PCDHGB5: variants seen among roughly 807,000 people sequenced by gnomAD.
PCDHGB5 encodes protocadherin gamma subfamily B, 5, also known as protocadherin gamma-B5.
In PCDHGB5, 48 loss-of-function variants were observed where a neutral mutation model predicts 62.9. The ratio of observed to expected loss-of-function variants is 0.76; its 90% CI spans 0.61 to 0.97. The LOEUF (loss-of-function observed/expected upper bound fraction) is 0.97. Ranked by LOEUF, PCDHGB5 falls within the 50% of genes least tolerant of loss-of-function variation. The pLI is 0.00. For synonymous variants in PCDHGB5, 474 were observed against 511.2 expected, an observed-to-expected ratio of 0.93 and a Z score of 0.98; for missense variants, 1,118 against 1,198.6, an observed-to-expected ratio of 0.93 and a Z score of 0.99.
At chr5:141,427,365 TG>T (rs1391779401) in intron 1 of PCDHGB5, 2 of 457,804 alleles carry the variant, frequency 4.4e-6, no homozygotes, top group Non-Finnish European at 8.8e-6. Flanking sequence ...CGCAGAACCC[TG>T]GACGGTGATC....
At position 141,493,323 on chromosome 5, in the gene PCDHGB5, C is replaced by T. The variant is rs542332335; in HGVS notation, c.2398-1484C>T. Among the ~76,000 whole-genome samples the T allele has an allele frequency of 6.6e-6, 1 of 152,294 alleles. No homozygotes were observed. The highest frequency in any genetic ancestry group is 6.5e-5 in the Admixed American group (1 of 15,300). On this transcript the variant is annotated intron_variant, in intron 1 of 3. Transcript: ENST00000617380. The surrounding 1 kb of genome is among the most constrained non-coding windows in gnomAD (Gnocchi z 4.3). ...AGAGCAAGTAAGAGAGATTCTAACC[C>T]CTGTCTAACTCCAGAATGTGTGCTT...
At chr5:141,435,052 T>C (rs922871138) in intron 1 of PCDHGB5, among the ~76,000 whole-genome samples, 1 of 152,174 alleles carries the variant, frequency 6.6e-6, no homozygotes, top group African/African-American at 2.4e-5. Context: ...CCATTGACCA[T>C]GCAGCAGTTT....
intron 1 of PCDHGB5, among the ~76,000 whole-genome samples, chr5:141,494,341 G>C (rs565090556): frequency 9.2e-5 from 14 of 152,352 alleles, no homozygotes; most frequent in Admixed American, 9.1e-4. Context: ...ACCAAGAACA[G>C]CAGCCATCTT....
intron 1 of PCDHGB5, among the ~76,000 whole-genome samples, chr5:141,460,672 TATATCTATATA>T (rs2098995194): frequency 6.6e-6 from 1 of 152,086 alleles, no homozygotes; most frequent in Admixed American, 6.6e-5. Flanking sequence ...AACACAGTTA[TATATCTATATA>T]TCCACCAACA....
rs2099417434 is a variant in PCDHGB5, at chr5:141,477,762, C to T, written c.2398-17045C>T. 1 of 1,613,968 alleles carries T rather than the reference C, an allele frequency of 6.2e-7. No homozygotes were observed. The highest frequency in any genetic ancestry group is 8.5e-7 in the Non-Finnish European group (1 of 1,180,032). On this transcript the variant is annotated intron_variant, in intron 1 of 3. Transcript: ENST00000617380. This position sits in a 1 kb window ranked among gnomAD's most constrained non-coding sequence, Gnocchi z 4.9. ...GATGGGGGCACCCCGGTCCTAGCCA[C>T]CAACATCAGCGTGAACATATTTGTC...
At chr5:141,440,165 A>G (rs935524872) in intron 1 of PCDHGB5, 2 of 152,300 alleles carry the variant, frequency 1.3e-5, no homozygotes, top group African/African-American at 4.8e-5. Flanking sequence ...AGCTTGGGCC[A>G]TAACGCTTTG....
chr5:141,421,751 C>T (rs751678934), intron 1 of PCDHGB5: 1 of 1,613,932 alleles, frequency 6.2e-7, no homozygotes, highest in South Asian at 1.1e-5. Context: ...CAGCTCAGCC[C>T]TAATAATTAC....
chr5:141,431,239 G>A lies in PCDHGB5; in HGVS notation c.2397+30715G>A. 6.2e-7 allele frequency: 1 copy of A among 1,614,152 alleles called. No homozygotes were observed. The highest frequency in any genetic ancestry group is 1.3e-5 in the African/African-American group (1 of 75,062). On this transcript the variant is annotated intron_variant, in intron 1 of 3. Transcript: ENST00000617380. This position sits in a 1 kb window ranked among gnomAD's most constrained non-coding sequence, Gnocchi z 4.8. ...TCCCTCTACCCCACGCCTGGGATCC[G>A]GATATCGGGAAGAACTCTCTGCAGA...
In PCDHGB5 at chr5:141,476,101, A is replaced by G; in HGVS notation, c.2398-18706A>G. The G allele has an allele frequency of 6.3e-7, 1 of 1,576,386 alleles. No individual in the cohort carries two copies. Among genetic ancestry groups the G allele is most frequent in the East Asian group, 2.2e-5 (1 of 44,540 alleles). On this transcript the variant is annotated intron_variant, in intron 1 of 3. Coordinates refer to ENST00000617380, the MANE Select transcript of PCDHGB5 (RefSeq NM_018925.3). This position sits in a 1 kb window ranked among gnomAD's most constrained non-coding sequence, Gnocchi z 7.6. ...GACGATCTGGACCCCGCTGAGAGGA[A>G]CTGCTTTTGAGTGAGATGGTCCCAG... is the stretch of plus-strand genomic sequence containing the variant.
chr5:141,494,898 T>C, intron 2 of PCDHGB5, 33 bp downstream of exon 2: 1 of 1,614,074 alleles, frequency 6.2e-7, no homozygotes, highest in Non-Finnish European at 8.5e-7. Flanking sequence ...CACCCTCTTC[T>C]CTGCGGCATT....
chr5:141,403,181 C>G (rs1182793881), intron 1 of PCDHGB5: 2 of 1,614,006 alleles, frequency 1.2e-6, no homozygotes, highest in Non-Finnish European at 1.7e-6. Context: ...GCTTTTCTCT[C>G]TGAACCCGCG....
chr5:141,398,905 A>G lies in PCDHGB5; in HGVS notation c.778A>G (p.Thr260Ala), dbSNP rs200564636. ...SLRENVPPGT[T>A]VLQVSATDQD... ...TCGGGAAAACGTGCCACCAGGCACC[A>G]CTGTGTTGCAAGTGTCAGCCACTGA... Residue 260 changes from threonine (T) to alanine (A), a missense_variant, in exon 1 of 4, where the codon ACT becomes GCT. Coordinates refer to ENST00000617380, the MANE Select transcript of PCDHGB5 (RefSeq NM_018925.3). 1.2e-3 allele frequency: 1,935 copies of G among 1,613,984 alleles called. 4 individuals carry two copies. Among genetic ancestry groups the G allele is most frequent in the Middle Eastern group, 3.5e-3 (21 of 6,062 alleles).
intron 1 of PCDHGB5, chr5:141,427,787 C>A (rs2097070880): frequency 6.8e-7 from 1 of 1,478,064 alleles, no homozygotes; most frequent in Non-Finnish European, 9.4e-7. Context: ...CACTGTCGTC[C>A]TACGTGTCCG....
chr5:141,424,055 C>A, intron 1 of PCDHGB5: 2 of 1,007,784 alleles, frequency 2.0e-6, no homozygotes, highest in Non-Finnish European at 1.2e-6. Context: ...TTTTGCTGTG[C>A]CTTCACTGAT....
At chr5:141,430,818 T>G (rs1240970813) in intron 1 of PCDHGB5, 2 of 1,540,582 alleles carry the variant, frequency 1.3e-6, no homozygotes, top group Non-Finnish European at 1.7e-6. Flanking sequence ...GGAATCCTCC[T>G]GGGGACTCTG....
At chr5:141,403,066 G>A in intron 1 of PCDHGB5, 1 of 1,614,076 alleles carries the variant, frequency 6.2e-7, no homozygotes, top group East Asian at 2.2e-5. Flanking sequence ...TGCCTGAAGA[G>A]ACAGAAAAGG....
At chr5:141,500,293 C>T (rs1380080572) in intron 2 of PCDHGB5, among the ~76,000 whole-genome samples, 3 of 151,870 alleles carry the variant, frequency 2.0e-5, no homozygotes, top group Non-Finnish European at 4.4e-5. Flanking sequence ...ACTGCAAGCT[C>T]CGCCTCCCAG....
chr5:141,412,020 C>G (rs1158851404), intron 1 of PCDHGB5: 1 of 145,358 alleles, frequency 6.9e-6, no homozygotes, highest in Non-Finnish European at 1.5e-5. Context: ...TCTGAACATC[C>G]TGTTCTCTGT....
intron 1 of PCDHGB5, among the ~76,000 whole-genome samples, chr5:141,436,515 G>A (rs1393437693): frequency 6.6e-6 from 1 of 152,160 alleles, no homozygotes; most frequent in Non-Finnish European, 1.5e-5. Context: ...ATTGTTAACT[G>A]TGTCACCTTT....
Sources: allele counts gnomAD v4.1 joint callset (sites outside exome capture counted in the v4.1 genomes callset), GRCh38; gene constraint gnomAD v4.1.1; non-coding constraint Gnocchi (gnomAD v3.1); transcripts MANE v1.5; gene names NCBI Gene and HGNC (gene_info 2026-07-23, HGNC 2026-07-21).